The following CSNK2A1 variants were observed in gnomAD, a reference collection of about 807,000 sequenced individuals.
CSNK2A1 encodes the protein casein kinase 2 alpha 1, also known as casein kinase II subunit alpha.
In CSNK2A1, 10 loss-of-function variants were observed where a neutral mutation model predicts 62.9. The ratio of observed to expected loss-of-function variants is 0.16; its 90% CI spans 0.10 to 0.27. CSNK2A1 has a LOEUF of 0.27. Ranked by LOEUF, CSNK2A1 falls within the 10% of genes least tolerant of loss-of-function variation. The pLI, the probability that CSNK2A1 is intolerant of heterozygous loss-of-function variation, is 1.00. For missense variants in CSNK2A1, 160 were observed against 492.0 expected, an observed-to-expected ratio of 0.33 and a Z score of 6.38; for synonymous variants, 124 against 167.8, an observed-to-expected ratio of 0.74 and a Z score of 2.02.
chr20:543,091 C>T (rs1425187012), intron 1 of CSNK2A1: 2 of 152,394 alleles, frequency 1.3e-5, no homozygotes, highest in African/African-American at 2.4e-5. Context: ...GTCCTTAACT[C>T]CAACTCCAGA....
chr20:540,215 C>T (rs1025124933), intron 1 of CSNK2A1, among the ~76,000 whole-genome samples: 1 of 152,216 alleles, frequency 6.6e-6, no homozygotes, highest in Admixed American at 6.5e-5. Context: ...CAAACTAGAA[C>T]TGTTTATGTT....
chr20:493,374 CTCTAG>C (rs113618165), intron 8 of CSNK2A1, among the ~76,000 whole-genome samples: 2,750 of 152,160 alleles, frequency 0.018, 82 homozygotes, highest in African/African-American at 0.06. Flanking sequence ...CACTCTTGCC[CTCTAG>C]TCTAAACAGT....
At position 506,686 on chromosome 20, in the gene CSNK2A1, C is replaced by G. The variant is rs573284492; in HGVS notation, c.102-1457G>C. 3 of 152,186 alleles carry G rather than the reference C, an allele frequency of 2.0e-5. No homozygotes were observed. The South Asian group carries it at 6.2e-4, about 32-fold the overall frequency. 9.4% of individuals were successfully genotyped at this position (152,186 alleles called of 1,614,324 possible). On this transcript the variant is annotated intron_variant, in intron 3 of 13. Transcript: ENST00000217244. ...TCAACCATTCATTTTCCTCAAGTAG[C>G]TAAAAAGAAAGTGAATGAAAAGACA...
At chr20:528,750 C>G (rs994209319) in intron 1 of CSNK2A1, among the ~76,000 whole-genome samples, 1 of 151,818 alleles carries the variant, frequency 6.6e-6, no homozygotes, top group Admixed American at 6.6e-5. Context: ...GCATGAGCCA[C>G]CATGCCCAGC....
In CSNK2A1 at chr20:482,042, C is replaced by T. The variant is rs1208631361; in HGVS notation, c.*1919G>A. On this transcript the variant is annotated 3_prime_UTR_variant, in exon 14 of 14. Coordinates refer to ENST00000217244, the MANE Select transcript of CSNK2A1 (RefSeq NM_177559.3). ...GCGCTATAAAAGGAGGCTTTAGCGT[C>T]CTCTAAAGTTTACCATTATATTCAC... 1.3e-5 allele frequency: 2 copies of T among 152,148 alleles called. No individual in the cohort carries two copies. Among genetic ancestry groups the T allele is most frequent in the African/African-American group, 4.8e-5 (2 of 41,426 alleles). The allele number at this position is 152,148 out of a possible 1,614,324, so 9.4% of individuals were successfully genotyped here.
At chr20:503,672 A>T (rs1644935135) in intron 4 of CSNK2A1, 1 of 398,522 alleles carries the variant, frequency 2.5e-6, no homozygotes, top group African/African-American at 2.1e-5. Flanking sequence ...GGTTTGCAGT[A>T]GTTGCTGTGG....
At position 473,226 on chromosome 20, in the gene CSNK2A1, T is replaced by C. The variant is rs541693478; in HGVS notation, c.*10735A>G. The C allele has an allele frequency of 0.15, 22,496 of 152,252 alleles. 2,199 individuals are homozygous for C. Among genetic ancestry groups the C allele is most frequent in the African/African-American group, 0.28 (11,748 of 41,378 alleles). 9.4% of individuals were successfully genotyped at this position (152,252 alleles called of 1,614,324 possible). ...AGGGTCTTCTTCCCATACTCTTGTC[T>C]CTCTCCTGTAACATTTTTACTTCTA... On this transcript the variant is annotated 3_prime_UTR_variant, in exon 14 of 14. Coordinates refer to ENST00000217244, the MANE Select transcript of CSNK2A1 (RefSeq NM_177559.3).
chr20:531,577 T>G (rs2122643013), intron 1 of CSNK2A1, among the ~76,000 whole-genome samples: 1 of 152,320 alleles, frequency 6.6e-6, no homozygotes, highest in Non-Finnish European at 1.5e-5. Context: ...TGTACATTTT[T>G]TTTTGAAGAA....
chr20:536,444 A>G (rs1360808309), intron 1 of CSNK2A1, among the ~76,000 whole-genome samples: 1 of 152,188 alleles, frequency 6.6e-6, no homozygotes, highest in Non-Finnish European at 1.5e-5. Context: ...CCTCACAAAA[A>G]TCCTGAGGTA....
chr20:522,649 T>C (rs1413593025), intron 2 of CSNK2A1, among the ~76,000 whole-genome samples: 1 of 152,130 alleles, frequency 6.6e-6, no homozygotes, highest in Non-Finnish European at 1.5e-5. Context: ...ACAAAGCCTG[T>C]AGTTTAGTTA....
At chr20:486,338 T>C in intron 13 of CSNK2A1, 38 bp downstream of exon 13, 1 of 1,611,316 alleles carries the variant, frequency 6.2e-7, no homozygotes, top group Non-Finnish European at 8.5e-7. Flanking sequence ...GTAATTGACT[T>C]CCACATTTTT....
chr20:492,250 T>C lies in CSNK2A1; in HGVS notation c.621+4A>G, dbSNP rs1213851287. 1 of 1,612,532 alleles carries C rather than the reference T, an allele frequency of 6.2e-7. No individual in the cohort carries two copies. Among genetic ancestry groups the C allele is most frequent in the Non-Finnish European group, 8.5e-7 (1 of 1,178,576 alleles). On this transcript the variant is annotated splice_donor_region_variant and intron_variant, in intron 9 of 13. Transcript: ENST00000217244. ...CAAAACTGTGCCTGCCCTTCTGTTC[T>C]TACCTGATAGTCTACAAGTAGCTCA...
rs2017836605 is a variant in CSNK2A1, at chr20:475,711, A to G, written c.*8250T>C. The G allele has an allele frequency of 6.6e-6, 1 of 152,118 alleles. No individual in the cohort carries two copies. 9.4% of individuals were successfully genotyped at this position (152,118 alleles called of 1,614,324 possible). ...CACTGATGTTGGGCTTGGCTATGTG[A>G]TTTGCTTTCGCCAATGGGATGATGG... On this transcript the variant is annotated 3_prime_UTR_variant, in exon 14 of 14. Transcript: ENST00000217244.
intron 11 of CSNK2A1, chr20:488,470 T>A (rs2018148683): frequency 2.0e-6 from 1 of 488,364 alleles, no homozygotes; most frequent in Non-Finnish European, 3.6e-6. Context: ...AACCCCTCCA[T>A]CAGACTCCTG....
At chr20:538,632 T>TA (rs1380615950) in intron 1 of CSNK2A1, among the ~76,000 whole-genome samples, 5 of 152,312 alleles carry the variant, frequency 3.3e-5, no homozygotes, top group East Asian at 3.9e-4. Context: ...ATCTGACTCT[T>TA]AAACTCAACA....
chr20:514,205 G>A (rs549059062), intron 2 of CSNK2A1, among the ~76,000 whole-genome samples: 17 of 152,062 alleles, frequency 1.1e-4, no homozygotes, highest in South Asian at 8.3e-4. Context: ...TGAGCTGGGT[G>A]TAGTGGAGTA....
At chr20:487,278 T>C (rs973111622) in intron 12 of CSNK2A1, 149 bp downstream of exon 12, 25 of 1,018,024 alleles carry the variant, frequency 2.5e-5, no homozygotes, top group Non-Finnish European at 3.6e-5. Context: ...TTCTGCAATG[T>C]AGTTGCCATC....
rs1217851588 is a variant in CSNK2A1, at chr20:473,878, T to A, written c.*10083A>T. 1 of 152,202 alleles carries A rather than the reference T, an allele frequency of 6.6e-6. No individual in the cohort carries two copies. Among genetic ancestry groups the A allele is most frequent in the Non-Finnish European group, 1.5e-5 (1 of 68,048 alleles). The allele number at this position is 152,202 out of a possible 1,614,324, so 9.4% of individuals were successfully genotyped here. On this transcript the variant is annotated 3_prime_UTR_variant, in exon 14 of 14. Transcript: ENST00000217244. Reference sequence around the variant, plus strand: ...AGAAGACCTCTCCCTGTGTATCCACTTCTAAACCAGTCACAACTGCCCGAG... The same window carrying A: ...AGAAGACCTCTCCCTGTGTATCCACATCTAAACCAGTCACAACTGCCCGAG...
chr20:525,983 C>T (rs971339274), intron 2 of CSNK2A1, among the ~76,000 whole-genome samples: 6 of 151,804 alleles, frequency 4.0e-5, no homozygotes, highest in African/African-American at 7.3e-5. Flanking sequence ...CTAGCCTGGG[C>T]GACATAGCAA....
Sources: allele counts gnomAD v4.1 joint callset (sites outside exome capture counted in the v4.1 genomes callset), GRCh38; gene constraint gnomAD v4.1.1; transcripts MANE v1.5; gene names NCBI Gene and HGNC (gene_info 2026-07-23, HGNC 2026-07-21).